The following SCARB2 variants were observed in gnomAD, a reference collection of about 807,000 sequenced individuals.
SCARB2 encodes the protein scavenger receptor class B member 2.
SCARB2 carries 29 observed loss-of-function variants against 58.6 expected under a neutral mutation model. The observed-to-expected ratio is 0.49, with a 90% CI of 0.37 to 0.67. SCARB2 has a LOEUF of 0.67. Among genes scored for constraint, SCARB2 ranks in the 30% least tolerant of loss-of-function variants. The pLI is 0.00. For missense variants in SCARB2, 488 were observed against 578.5 expected (o/e 0.84, Z 1.60); for synonymous variants, 195 against 210.1 (o/e 0.93, Z 0.62).
At chr4:76,178,537 A>C (rs1732309341) in intron 4 of SCARB2, among the ~76,000 whole-genome samples, 1 of 152,210 alleles carries the variant, frequency 6.6e-6, no homozygotes, top group African/African-American at 2.4e-5. Flanking sequence ...ACCTTTGCAT[A>C]ATATCTCTCA....
At chr4:76,189,308 C>G (rs1219023579) in intron 2 of SCARB2, among the ~76,000 whole-genome samples, 2 of 152,184 alleles carry the variant, frequency 1.3e-5, no homozygotes, top group Non-Finnish European at 2.9e-5. Context: ...AAGGACATAC[C>G]TGAGACTGAG....
chr4:76,221,602 G>A (rs572089231), intron 1 of SCARB2, among the ~76,000 whole-genome samples: 2 of 152,232 alleles, frequency 1.3e-5, no homozygotes, highest in African/African-American at 4.8e-5. Context: ...TTACAGGCAT[G>A]AGCCACCGCA....
At chr4:76,206,271 T>C (rs984297100) in intron 1 of SCARB2, among the ~76,000 whole-genome samples, 2 of 152,142 alleles carry the variant, frequency 1.3e-5, no homozygotes, top group Admixed American at 6.5e-5. Flanking sequence ...ACCCAGTCTA[T>C]GCTATTTTGT....
At chr4:76,191,660 C>G (rs1170908966) in intron 2 of SCARB2, among the ~76,000 whole-genome samples, 1 of 152,094 alleles carries the variant, frequency 6.6e-6, no homozygotes, top group African/African-American at 2.4e-5. Context: ...GCCAATTAAA[C>G]CTCTTTTTTA....
At chr4:76,204,378 T>C (rs115640942) in intron 1 of SCARB2, among the ~76,000 whole-genome samples, 19 of 152,362 alleles carry the variant, frequency 1.2e-4, no homozygotes, top group African/African-American at 4.6e-4. Context: ...ACTGTCATAA[T>C]TTTAACTAAT....
intron 1 of SCARB2, among the ~76,000 whole-genome samples, chr4:76,228,933 C>A (rs1272495656): frequency 6.6e-6 from 1 of 152,128 alleles, no homozygotes; most frequent in Non-Finnish European, 1.5e-5. Context: ...ATAAATTTCC[C>A]AACTTTTAAA....
chr4:76,162,571 A>G (rs890844160), intron 11 of SCARB2: 4 of 154,718 alleles, frequency 2.6e-5, no homozygotes, highest in African/African-American at 9.6e-5. Context: ...CCATGTTCCA[A>G]TCATTTATTA....
rs1466166888 is a variant in SCARB2 at position 76,234,413 on chromosome 4, AT to A, written c.-469del. On this transcript the variant is annotated 5_prime_UTR_variant, in exon 1 of 12. Transcript: ENST00000638295. Reference sequence around the variant, plus strand: ...CCACAAAAATTCAGGCTTGCAGACAATTTGAATGGTAAGACAGAATTGTACT... The same window carrying A: ...CCACAAAAATTCAGGCTTGCAGACAATTGAATGGTAAGACAGAATTGTACT... 5.9e-5 allele frequency: 9 copies of A among 152,398 alleles called. No individual in the cohort carries two copies. In the East Asian group the frequency reaches 1.7e-3, roughly 29 times the overall value. 9.4% of individuals were successfully genotyped at this position (152,398 alleles called of 1,614,324 possible). A position where few individuals can be genotyped will look rare whatever the true frequency, so the allele number is the denominator to read the frequency against.
Position 76,175,823 on chromosome 4 carries a change from C to T in SCARB2, c.792G>A (p.Glu264=), listed in dbSNP as rs776163347. 1 of 1,613,948 alleles carries T rather than the reference C, an allele frequency of 6.2e-7. No homozygotes were observed. Among genetic ancestry groups the T allele is most frequent in the South Asian group, 1.1e-5 (1 of 91,070 alleles). ...AGTCAGATGGGAAGACATAAAGGAC[C>T]TCATCTTTGGTTATTAGTGGGTGAA... ...DSFHPLITKD[E]VLYVFPSDFC... The change falls in exon 6 of 12, where the codon GAG becomes GAA. Residue 264 remains glutamate (E), a synonymous_variant. Transcript: ENST00000264896.
At chr4:76,174,791 T>A (rs1352768676) in intron 6 of SCARB2, 2 of 159,322 alleles carry the variant, frequency 1.3e-5, no homozygotes, top group Non-Finnish European at 2.8e-5. Context: ...AATACACACT[T>A]TGATACTCAA....
In SCARB2 at chr4:76,160,804, T is replaced by C. The variant is rs182055361; in HGVS notation, c.*909A>G. ...AATTTTACAAATAATCACTCAATAT[T>C]AGATTAATTAATACAGTAACATATT... is the stretch of plus-strand genomic sequence containing the variant. On this transcript the variant is annotated 3_prime_UTR_variant, in exon 12 of 12. Transcript: ENST00000264896. 1.3e-5 allele frequency: 2 copies of C among 152,282 alleles called. No individual in the cohort carries two copies. Among genetic ancestry groups the C allele is most frequent in the Non-Finnish European group, 2.9e-5 (2 of 68,022 alleles). The allele number at this position is 152,282 out of a possible 1,614,324, so 9.4% of individuals were successfully genotyped here. A position where few individuals can be genotyped will look rare whatever the true frequency, so the allele number is the denominator to read the frequency against.
At chr4:76,167,058 T>C (rs1377553319) in intron 9 of SCARB2, among the ~76,000 whole-genome samples, 1 of 152,224 alleles carries the variant, frequency 6.6e-6, no homozygotes, top group East Asian at 1.9e-4. Flanking sequence ...CAACATTATA[T>C]CATAATTTTC....
At chr4:76,181,890 T>C (rs182514405) in intron 2 of SCARB2, among the ~76,000 whole-genome samples, 1 of 152,234 alleles carries the variant, frequency 6.6e-6, no homozygotes, top group East Asian at 1.9e-4. Context: ...ACAGCACAGT[T>C]TGGTTCAAGT....
intron 2 of SCARB2, chr4:76,192,351 T>C (rs1324190312): frequency 2.6e-5 from 4 of 152,230 alleles, no homozygotes; most frequent in Non-Finnish European, 5.9e-5. Flanking sequence ...GAGGAACTTA[T>C]TGGGACTGGA....
upstream of SCARB2, chr4:76,214,284 AGCATGTTCT>A (rs1488067930): frequency 1.3e-5 from 6 of 456,042 alleles, no homozygotes. Context: ...CATGCCAGCA[AGCATGTTCT>A]GCCTGGATGA....
At chr4:76,168,747 T>A (rs982750161) in intron 8 of SCARB2, among the ~76,000 whole-genome samples, 1 of 152,218 alleles carries the variant, frequency 6.6e-6, no homozygotes, top group African/African-American at 2.4e-5. Flanking sequence ...TTCAGTAGAC[T>A]GGCCATTTCT....
intron 1 of SCARB2, among the ~76,000 whole-genome samples, chr4:76,203,989 T>A (rs1225592144): frequency 1.3e-5 from 2 of 152,194 alleles, no homozygotes; most frequent in Non-Finnish European, 2.9e-5. Flanking sequence ...ACTTCATAAT[T>A]AAACACAACT....
At chr4:76,168,510 G>A (rs1314815665) in intron 8 of SCARB2, 34 bp from the exon 9 acceptor site, 1 of 1,586,850 alleles carries the variant, frequency 6.3e-7, no homozygotes, top group East Asian at 2.2e-5. Context: ...GAAACATTAG[G>A]ATTTATTAAA....
In SCARB2 at chr4:76,175,915, A is replaced by G; in HGVS notation, c.705-5T>C. The G allele has an allele frequency of 2.5e-6, 4 of 1,613,538 alleles. No homozygotes were observed. Among genetic ancestry groups the G allele is most frequent in the Non-Finnish European group, 3.4e-6 (4 of 1,179,942 alleles). The stretch of plus-strand genomic sequence containing the variant: ...GTTATCCACCAGTCAAGTGACCTAT[A>G]ATTGATAAGCACAAGAAAGAGTAAA... On this transcript the variant is annotated splice_region_variant and splice_polypyrimidine_tract_variant and intron_variant, in intron 5 of 11. Transcript: ENST00000264896.
Sources: allele counts gnomAD v4.1 joint callset (sites outside exome capture counted in the v4.1 genomes callset), GRCh38; gene constraint gnomAD v4.1.1; transcripts MANE v1.5; gene names NCBI Gene and HGNC (gene_info 2026-07-23, HGNC 2026-07-21).